IL1RL2: variants seen among roughly 807,000 people sequenced by gnomAD.
IL1RL2 encodes interleukin-1 receptor-like 2.
Under a neutral mutation model 66.8 loss-of-function variants are expected in IL1RL2, and 68 were observed. The observed-to-expected ratio is 1.02, with a 90% CI of 0.84 to 1.25. The LOEUF (loss-of-function observed/expected upper bound fraction) is 1.25. Ranked by LOEUF, IL1RL2 falls within the 50% of genes most tolerant of loss-of-function variation. The pLI is 0.00. For missense variants in IL1RL2, 729 were observed against 709.3 expected (o/e 1.03, Z -0.32); for synonymous variants, 305 against 264.6 (o/e 1.15, Z -1.48).
chr2:102,212,221 A>G (rs768247039), intron 6 of IL1RL2, 47 bp downstream of exon 6: 6 of 1,295,318 alleles, frequency 4.6e-6, no homozygotes, highest in Non-Finnish European at 6.7e-6. Flanking sequence ...GGAAGAGCTC[A>G]TTATGTTTGC....
intron 9 of IL1RL2, among the ~76,000 whole-genome samples, chr2:102,231,086 G>A (rs959902230): frequency 1.3e-5 from 2 of 152,156 alleles, no homozygotes; most frequent in Non-Finnish European, 2.9e-5. Flanking sequence ...GCTCGAAATC[G>A]CGTTTTCCAA....
intron 11 of IL1RL2, among the ~76,000 whole-genome samples, chr2:102,238,824 C>T (rs1306299432): frequency 6.6e-6 from 1 of 152,068 alleles, no homozygotes; most frequent in African/African-American, 2.4e-5. Context: ...GATGTCCCCT[C>T]CCATACACCC....
chr2:102,196,253 TG>T (rs1687775001), intron 4 of IL1RL2, among the ~76,000 whole-genome samples: 1 of 152,116 alleles, frequency 6.6e-6, no homozygotes. Flanking sequence ...CACCCATGGG[TG>T]GCGCTTAGAT....
At chr2:102,194,960 C>T (rs1008972863) in intron 4 of IL1RL2, among the ~76,000 whole-genome samples, 13 of 151,854 alleles carry the variant, frequency 8.6e-5, no homozygotes, top group African/African-American at 2.2e-4. Context: ...CATTGTAGGC[C>T]GGATGGTCTC....
intron 6 of IL1RL2, among the ~76,000 whole-genome samples, chr2:102,216,707 G>A (rs1377641101): frequency 6.6e-6 from 1 of 151,946 alleles, no homozygotes; most frequent in Non-Finnish European, 1.5e-5. Context: ...GTAGTCCTAA[G>A]CTTTGATTCC....
intron 5 of IL1RL2, among the ~76,000 whole-genome samples, chr2:102,207,183 C>T (rs182695884): frequency 1.3e-5 from 2 of 152,254 alleles, no homozygotes; most frequent in East Asian, 1.9e-4. Flanking sequence ...GAAGTGCCAT[C>T]CAAGATTCAA....
intron 4 of IL1RL2, among the ~76,000 whole-genome samples, chr2:102,195,713 C>CTTTTTTT (rs375355881): frequency 3.0e-5 from 3 of 99,962 alleles, no homozygotes; most frequent in Non-Finnish European, 2.1e-5. Flanking sequence ...TTCTTTCTTT[C>CTTTTTTT]TTTTTTTTTT....
chr2:102,226,830 A>G (rs1483969725), intron 9 of IL1RL2, among the ~76,000 whole-genome samples: 3 of 152,242 alleles, frequency 2.0e-5, no homozygotes, highest in Non-Finnish European at 4.4e-5. Context: ...AGGGACAGTG[A>G]TTAAATCCTG....
Position 102,187,932 on chromosome 2 carries a change from T to A in IL1RL2, c.58+7T>A. 6.2e-7 allele frequency: 1 copy of A among 1,613,702 alleles called. No homozygotes were observed. Among genetic ancestry groups the A allele is most frequent in the Non-Finnish European group, 8.5e-7 (1 of 1,179,628 alleles). On this transcript the variant is annotated splice_region_variant and intron_variant, in intron 2 of 11. Transcript: ENST00000264257. The stretch of plus-strand genomic sequence containing the variant: ...CCACTGTCTGTCACAGCAGGTACGT[T>A]CCGTGTGTCCTCCGTTCCCAGAGGC...
At chr2:102,191,354 T>A (rs147576705) in intron 3 of IL1RL2, among the ~76,000 whole-genome samples, 116 of 152,338 alleles carry the variant, frequency 7.6e-4, no homozygotes, top group African/African-American at 2.7e-3. Flanking sequence ...AATACCTTAA[T>A]CTATAATCTA....
chr2:102,204,105 T>A (rs535506622), intron 5 of IL1RL2, among the ~76,000 whole-genome samples: 1 of 152,254 alleles, frequency 6.6e-6, no homozygotes, highest in South Asian at 2.1e-4. Flanking sequence ...TTTCAAGAAA[T>A]TTTTCAGTTT....
intron 5 of IL1RL2, 67 bp from the exon 6 acceptor site, chr2:102,212,033 C>T (rs1267869201): frequency 1.6e-5 from 19 of 1,160,190 alleles, no homozygotes; most frequent in Non-Finnish European, 2.1e-5. Flanking sequence ...CATGCTATTA[C>T]ATCAAAGTAC....
chr2:102,233,267 A>T (rs1000733529), intron 10 of IL1RL2, 143 bp downstream of exon 10: 1 of 735,238 alleles, frequency 1.4e-6, no homozygotes, highest in African/African-American at 1.8e-5. Context: ...CCTGCCCGTC[A>T]GCCCCCAGCC....
At chr2:102,232,567 C>T (rs1246388200) in intron 9 of IL1RL2, among the ~76,000 whole-genome samples, 1 of 152,192 alleles carries the variant, frequency 6.6e-6, no homozygotes, top group Non-Finnish European at 1.5e-5. Context: ...CTCAAGCTAT[C>T]CTCCTGCTTC....
At chr2:102,215,544 A>C (rs1231045497) in intron 6 of IL1RL2, among the ~76,000 whole-genome samples, 1 of 151,750 alleles carries the variant, frequency 6.6e-6, no homozygotes, top group Admixed American at 6.6e-5. Flanking sequence ...TCACCCTCAT[A>C]CCCATGAGGG....
chr2:102,200,106 C>A (rs868846150), intron 4 of IL1RL2, among the ~76,000 whole-genome samples: 2 of 132,180 alleles, frequency 1.5e-5, no homozygotes, highest in African/African-American at 3.0e-5. Flanking sequence ...AGAGCTAAGA[C>A]CCTGTTCCAG....
chr2:102,211,836 T>C (rs1689195660), intron 5 of IL1RL2, among the ~76,000 whole-genome samples: 2 of 152,246 alleles, frequency 1.3e-5, no homozygotes, highest in African/African-American at 4.8e-5. Flanking sequence ...AGCTTATTAG[T>C]TTATATTATA....
At chr2:102,206,843 A>T (rs759600926) in intron 5 of IL1RL2, among the ~76,000 whole-genome samples, 2 of 152,254 alleles carry the variant, frequency 1.3e-5, no homozygotes, top group Non-Finnish European at 2.9e-5. Flanking sequence ...AAGGTCTCTC[A>T]GGCCCTGGGT....
intron 8 of IL1RL2, among the ~76,000 whole-genome samples, chr2:102,223,546 C>G (rs1690332401): frequency 6.6e-6 from 1 of 152,184 alleles, no homozygotes; most frequent in Non-Finnish European, 1.5e-5. Flanking sequence ...CTGAGTCCCT[C>G]TGAATGTATT....
Sources: allele counts gnomAD v4.1 joint callset (sites outside exome capture counted in the v4.1 genomes callset), GRCh38; gene constraint gnomAD v4.1.1; transcripts MANE v1.5; gene names NCBI Gene and HGNC (gene_info 2026-07-23, HGNC 2026-07-21).